NFIC: variants seen among roughly 807,000 people sequenced by gnomAD.
NFIC encodes the protein nuclear factor I C.
In NFIC, 12 loss-of-function variants were observed where a neutral mutation model predicts 54.4. That is an observed-to-expected ratio of 0.22 (90% CI 0.14 to 0.36). The LOEUF (loss-of-function observed/expected upper bound fraction) is 0.36. Ranked by LOEUF, NFIC falls within the 10% of genes least tolerant of loss-of-function variation. The pLI is 1.00. For synonymous variants in NFIC, 322 were observed against 319.2 expected, an observed-to-expected ratio of 1.01 and a Z score of -0.09; for missense variants, 575 against 718.2, an observed-to-expected ratio of 0.80 and a Z score of 2.28.
chr19:3,394,533 C>G (rs1448580514), intron 2 of NFIC, among the ~76,000 whole-genome samples: 4 of 110,648 alleles, frequency 3.6e-5, no homozygotes, highest in Admixed American at 9.5e-5. Context: ...ACCCCCCACC[C>G]GCTTACACTA....
upstream of NFIC, among the ~76,000 whole-genome samples, chr19:3,362,467 G>A (rs937620495): frequency 2.6e-5 from 4 of 151,866 alleles, no homozygotes; most frequent in African/African-American, 9.7e-5. Context: ...CTGAGGTCAG[G>A]TGTGGGGGGA....
intron 6 of NFIC, among the ~76,000 whole-genome samples, chr19:3,447,487 A>G (rs962275920): frequency 3.3e-5 from 5 of 152,074 alleles, no homozygotes; most frequent in African/African-American, 1.2e-4. Flanking sequence ...CACCCCAAAT[A>G]GCAGCAGCAG....
chr19:3,396,049 G>A (rs913730389), intron 2 of NFIC, among the ~76,000 whole-genome samples: 2 of 152,108 alleles, frequency 1.3e-5, no homozygotes, highest in Non-Finnish European at 2.9e-5. Flanking sequence ...TATTGGTTAG[G>A]GCTGGAGCAG....
At chr19:3,381,232 T>TA (rs1364321080) in intron 1 of NFIC, among the ~76,000 whole-genome samples, 1 of 151,786 alleles carries the variant, frequency 6.6e-6, no homozygotes, top group African/African-American at 2.4e-5. Flanking sequence ...CCATCTTTCC[T>TA]AAAAATACAA....
chr19:3,366,546 T>TGGGGGGGGGGGGGGGGGGGG, upstream of NFIC: 2 of 316,910 alleles, frequency 6.3e-6, no homozygotes, highest in Non-Finnish European at 9.0e-6. Context: ...GGGGGGGGGG[T>TGGGGGGGGGGGGGGGGGGGG]TGGGGGGGGC....
At position 3,375,299 on chromosome 19, in the gene NFIC, C is replaced by T. The variant is rs997428057; in HGVS notation, c.31-6413C>T. Among the ~76,000 whole-genome samples, 11 of 152,154 alleles carry T rather than the reference C, an allele frequency of 7.2e-5. No homozygotes were observed. The highest frequency in any genetic ancestry group is 5.9e-5 in the Non-Finnish European group (4 of 68,018). ...GACAACATTGTCCGGGCCTCCTGCC[C>T]GCCTGGCATCTCCTCCACAGGCAGG... On this transcript the variant is annotated intron_variant, in intron 1 of 10. Transcript: ENST00000443272. This position sits in a 1 kb window ranked among gnomAD's most constrained non-coding sequence, Gnocchi z 4.6.
At chr19:3,414,213 G>A (rs1034924228) in intron 2 of NFIC, among the ~76,000 whole-genome samples, 1 of 152,130 alleles carries the variant, frequency 6.6e-6, no homozygotes, top group Non-Finnish European at 1.5e-5. Flanking sequence ...TTAGTAAAGG[G>A]CCAGTGACAC....
chr19:3,403,223 G>A (rs1352234007), intron 2 of NFIC, among the ~76,000 whole-genome samples: 3 of 152,090 alleles, frequency 2.0e-5, no homozygotes, highest in African/African-American at 7.2e-5. Flanking sequence ...ATGAAAGCTT[G>A]GGAAGGAGAA....
chr19:3,409,721 C>T (rs1289759556), intron 2 of NFIC, among the ~76,000 whole-genome samples: 1 of 152,240 alleles, frequency 6.6e-6, no homozygotes, highest in African/African-American at 2.4e-5. Context: ...TGAATTTGGG[C>T]TCACAGCCAC....
upstream of NFIC, chr19:3,366,539 G>GT: frequency 1.8e-6 from 1 of 565,080 alleles, no homozygotes; most frequent in Non-Finnish European, 2.8e-6. Context: ...CGGGGCGGGG[G>GT]GGGGGGTTGG....
upstream of NFIC, among the ~76,000 whole-genome samples, chr19:3,364,677 A>G (rs1281920744): frequency 6.6e-6 from 1 of 152,212 alleles, no homozygotes; most frequent in Non-Finnish European, 1.5e-5. Flanking sequence ...CAAGAGGGGC[A>G]GTCTCTGCTC....
At chr19:3,448,483 G>T (rs2082405601) in intron 6 of NFIC, among the ~76,000 whole-genome samples, 1 of 152,194 alleles carries the variant, frequency 6.6e-6, no homozygotes, top group African/African-American at 2.4e-5. Context: ...TGAGGCCCCT[G>T]TCTGCAGAGT....
intron 2 of NFIC, among the ~76,000 whole-genome samples, chr19:3,407,402 C>T (rs1356129110): frequency 6.6e-6 from 1 of 150,586 alleles, no homozygotes; most frequent in Non-Finnish European, 1.5e-5. Flanking sequence ...CGTGAGCCAC[C>T]GCGCCCGGCC....
intron 1 of NFIC, among the ~76,000 whole-genome samples, chr19:3,379,673 C>CTTTTTTTTTTT (rs370082450): frequency 2.9e-5 from 3 of 102,530 alleles, no homozygotes; most frequent in African/African-American, 9.3e-5. Flanking sequence ...TTATTTCTTT[C>CTTTTTTTTTTT]TTTTTTTTTT....
chr19:3,401,284 C>T (rs1031315171), intron 2 of NFIC, among the ~76,000 whole-genome samples: 3 of 152,132 alleles, frequency 2.0e-5, no homozygotes, highest in Non-Finnish European at 4.4e-5. Context: ...GACTCAGGTG[C>T]TCACAGGCAC....
chr19:3,387,067 T>C (rs1170091013), intron 2 of NFIC, among the ~76,000 whole-genome samples: 1 of 152,150 alleles, frequency 6.6e-6, no homozygotes, highest in Non-Finnish European at 1.5e-5. Flanking sequence ...GCTGGGCAGC[T>C]GAGGCCCTGG....
rs926870070 is a variant in NFIC, at chr19:3,375,378, C to T, written c.31-6334C>T. 6.6e-6 allele frequency among the ~76,000 whole-genome samples: 1 copy of T among 152,210 alleles called. No individual in the cohort carries two copies. Among genetic ancestry groups the T allele is most frequent in the Non-Finnish European group, 1.5e-5 (1 of 68,038 alleles). On this transcript the variant is annotated intron_variant, in intron 1 of 10. Coordinates refer to ENST00000443272, the MANE Select transcript of NFIC (RefSeq NM_001245002.2). This position sits in a 1 kb window ranked among gnomAD's most constrained non-coding sequence, Gnocchi z 4.6. ...GCGTCCCACTGTGCCCCCCACCACC[C>T]CCACTGCCCGGCTTCCCTGGCCAGA...
At chr19:3,401,920 C>T (rs1362874190) in intron 2 of NFIC, among the ~76,000 whole-genome samples, 1 of 151,826 alleles carries the variant, frequency 6.6e-6, no homozygotes, top group Non-Finnish European at 1.5e-5. Flanking sequence ...CGGAGTTGCA[C>T]CATGTTGGCC....
rs1454213377 is a variant in NFIC, at chr19:3,464,829, C to T, written c.*2060C>T. On this transcript the variant is annotated 3_prime_UTR_variant, in exon 11 of 11. Coordinates refer to ENST00000443272, the MANE Select transcript of NFIC (RefSeq NM_001245002.2). ...CGTCTGTCCTCGGGGCCCGCTCCCC[C>T]GGTGGCCCTTGGGGATCAAAGCGTG... 1.2e-5 allele frequency: 6 copies of T among 505,842 alleles called. No individual in the cohort carries two copies. Among genetic ancestry groups the T allele is most frequent in the Non-Finnish European group, 1.5e-5 (6 of 392,782 alleles). 31.3% of individuals were successfully genotyped at this position (505,842 alleles called of 1,614,324 possible). A position where few individuals can be genotyped will look rare whatever the true frequency, so the allele number is the denominator to read the frequency against.
Sources: allele counts gnomAD v4.1 joint callset (sites outside exome capture counted in the v4.1 genomes callset), GRCh38; gene constraint gnomAD v4.1.1; non-coding constraint Gnocchi (gnomAD v3.1); transcripts MANE v1.5; gene names NCBI Gene and HGNC (gene_info 2026-07-23, HGNC 2026-07-21).